DPH6: variants seen among roughly 807,000 people sequenced by gnomAD.
DPH6 encodes the protein diphthamine biosynthesis 6.
DPH6 carries 33 observed loss-of-function variants against 38.2 expected under a neutral mutation model. That is an observed-to-expected ratio of 0.86 (90% confidence interval 0.65 to 1.15). The LOEUF is 1.15. Ranked by LOEUF, DPH6 falls within the 50% of genes most tolerant of loss-of-function variation. The pLI is 0.00. For synonymous variants in DPH6, 108 were observed against 103.0 expected, an observed-to-expected ratio of 1.05 and a Z score of -0.30; for missense variants, 325 against 320.0, an observed-to-expected ratio of 1.02 and a Z score of -0.12.
chr15:35,481,854 T>C (rs2054331508), intron 3 of DPH6, among the ~76,000 whole-genome samples: 3 of 152,152 alleles, frequency 2.0e-5, no homozygotes, highest in Admixed American at 2.0e-4. Context: ...TAAAAGGCTA[T>C]AAAAGAAAAT....
intron 3 of DPH6, among the ~76,000 whole-genome samples, chr15:35,308,138 G>A (rs572200304): frequency 7.9e-5 from 12 of 152,138 alleles, no homozygotes; most frequent in East Asian, 3.9e-4. Context: ...ATGTGGTGGC[G>A]TGCGCCTGTA....
the DPH6 span, among the ~76,000 whole-genome samples, chr15:35,176,184 G>A: frequency 4.6e-5 from 7 of 152,308 alleles, no homozygotes; most frequent in African/African-American, 1.2e-4. Context: ...CTTTTAAAAT[G>A]TAAGGTATTA....
At chr15:35,385,095 G>A (rs891122767) in intron 6 of DPH6, among the ~76,000 whole-genome samples, 29 of 152,208 alleles carry the variant, frequency 1.9e-4, no homozygotes, top group Admixed American at 1.5e-3. Context: ...TTAGATTGGC[G>A]ATCATTAACA....
chr15:35,237,182 T>C (rs1005808509), intron 3 of DPH6: 6 of 641,370 alleles, frequency 9.4e-6, no homozygotes, highest in African/African-American at 7.3e-5. Flanking sequence ...ATTAAAAGAA[T>C]GACCATTGAG....
At chr15:35,255,153 C>T (rs756550757) in intron 3 of DPH6, among the ~76,000 whole-genome samples, 11 of 152,186 alleles carry the variant, frequency 7.2e-5, no homozygotes, top group Non-Finnish European at 1.3e-4. Flanking sequence ...TTTTTGAAAA[C>T]GGAGAACTAT....
chr15:35,157,558 C>T, the DPH6 span, among the ~76,000 whole-genome samples: 1 of 151,908 alleles, frequency 6.6e-6, no homozygotes, highest in Admixed American at 6.6e-5. Context: ...TCTTAGAGAC[C>T]GGGTTGTGGT....
At chr15:35,187,359 G>A in the DPH6 span, among the ~76,000 whole-genome samples, 1 of 152,118 alleles carries the variant, frequency 6.6e-6, no homozygotes. Context: ...TTTTTAGTAG[G>A]ATTCTATTCT....
intron 3 of DPH6, among the ~76,000 whole-genome samples, chr15:35,292,656 G>T (rs559965875): frequency 6.6e-6 from 1 of 152,230 alleles, no homozygotes; most frequent in East Asian, 1.9e-4. Context: ...CAGGATTTTA[G>T]AAAGTGCCAA....
chr15:35,466,662 C>T (rs542829987), intron 3 of DPH6, among the ~76,000 whole-genome samples: 6 of 152,144 alleles, frequency 3.9e-5, no homozygotes, highest in Non-Finnish European at 7.4e-5. Flanking sequence ...TATGCAGTTT[C>T]ATCGTATGAA....
chr15:35,263,719 CTT>C (rs771822892), intron 3 of DPH6, among the ~76,000 whole-genome samples: 1 of 147,450 alleles, frequency 6.8e-6, no homozygotes. Context: ...TTTATAATTT[CTT>C]TTTTTTTTGA....
intron 3 of DPH6, among the ~76,000 whole-genome samples, chr15:35,467,875 CAT>C (rs1054208143): frequency 1.6e-4 from 24 of 152,310 alleles, no homozygotes; most frequent in South Asian, 2.1e-4. Context: ...ACCACAAACA[CAT>C]GAGTAAAATG....
At chr15:35,519,982 A>G (rs974003810) in intron 3 of DPH6, 21 of 151,826 alleles carry the variant, frequency 1.4e-4, no homozygotes, top group African/African-American at 5.1e-4. Context: ...CTTTCATGAG[A>G]AAGGTAAGTA....
At chr15:35,401,623 T>C (rs1191107096) in intron 6 of DPH6, 1 of 758,422 alleles carries the variant, frequency 1.3e-6, no homozygotes, top group East Asian at 2.4e-5. Flanking sequence ...TCTTCGAATT[T>C]TGGAACCATG....
the DPH6 span, among the ~76,000 whole-genome samples, chr15:35,200,294 T>C: frequency 6.6e-6 from 1 of 152,000 alleles, no homozygotes; most frequent in East Asian, 1.9e-4. Flanking sequence ...AAATGGAAGG[T>C]GGTGAGATGT....
chr15:35,482,538 G>C (rs2054340360), intron 3 of DPH6, among the ~76,000 whole-genome samples: 1 of 152,108 alleles, frequency 6.6e-6, no homozygotes, highest in Admixed American at 6.5e-5. Flanking sequence ...TTAAAGTCTA[G>C]AAATAAATCT....
At chr15:35,310,158 C>T (rs1287066498) in intron 3 of DPH6, among the ~76,000 whole-genome samples, 1 of 152,156 alleles carries the variant, frequency 6.6e-6, no homozygotes, top group Non-Finnish European at 1.5e-5. Context: ...AGATTGAGAA[C>T]ACCACGTAGA....
intron 3 of DPH6, among the ~76,000 whole-genome samples, chr15:35,522,635 C>G (rs997644466): frequency 6.6e-6 from 1 of 152,056 alleles, no homozygotes; most frequent in Non-Finnish European, 1.5e-5. Flanking sequence ...ATTTGATAAT[C>G]AATAGGAAAG....
At chr15:35,458,946 T>C (rs1037544077) in intron 3 of DPH6, among the ~76,000 whole-genome samples, 2 of 152,130 alleles carry the variant, frequency 1.3e-5, no homozygotes, top group Non-Finnish European at 2.9e-5. Flanking sequence ...CCTTCAAACC[T>C]GGAGAGAGAT....
intron 3 of DPH6, chr15:35,282,867 T>C: frequency 2.9e-6 from 1 of 341,334 alleles, no homozygotes; most frequent in South Asian, 3.1e-5. Context: ...TTAAGGTGGA[T>C]GAAGACCCCA....
Sources: allele counts gnomAD v4.1 joint callset (sites outside exome capture counted in the v4.1 genomes callset), GRCh38; gene constraint gnomAD v4.1.1; transcripts MANE v1.5; gene names NCBI Gene and HGNC (gene_info 2026-07-23, HGNC 2026-07-21).